TMEM147: variants seen among roughly 807,000 people sequenced by gnomAD.
TMEM147 encodes BOS complex subunit TMEM147.
In TMEM147, 29 loss-of-function variants were observed where a neutral mutation model predicts 29.4. The ratio of observed to expected loss-of-function variants is 0.99; its 90% confidence interval spans 0.73 to 1.34. The LOEUF (loss-of-function observed/expected upper bound fraction) is 1.34, where lower values mean the gene tolerates loss of function less well. Ranked by LOEUF, TMEM147 falls within the 40% of genes most tolerant of loss-of-function variation. The pLI is 0.00. For synonymous variants in TMEM147, 121 were observed against 111.8 expected (o/e 1.08, Z -0.52); for missense variants, 260 against 289.4 (o/e 0.90, Z 0.74).
Position 35,546,817 on chromosome 19 carries a change from A to G in TMEM147, c.344+9A>G, listed in dbSNP as rs186491643. 363 of 1,614,186 alleles carry G rather than the reference A, an allele frequency of 2.2e-4. No individual in the cohort carries two copies. The African/African-American group carries it at 4.3e-3, about 19-fold the overall frequency. ...GAGCTTATTATGTCCCGGTGCGTAC[A>G]GCAGCCTGGAGCCCAGACCCCTGAG... On this transcript the variant is annotated intron_variant, in intron 4 of 6. Transcript: ENST00000222284.
chr19:35,545,724 C>T lies in TMEM147; in HGVS notation c.-16C>T. On this transcript the variant is annotated 5_prime_UTR_variant, in exon 1 of 7. Transcript: ENST00000222284. ...CCTCGCGATCCCCGCGCGGGCGGGA[C>T]CGGGCGGCCGGCATCATGACCCTGT... The T allele has an allele frequency of 6.2e-7, 1 of 1,607,900 alleles. No individual in the cohort carries two copies.
chr19:35,546,093 A>T, intron 2 of TMEM147, 136 bp downstream of exon 2: 1 of 980,214 alleles, frequency 1.0e-6, no homozygotes. Context: ...AGGCGTCAGG[A>T]TACCTAGAGA....
chr19:35,547,350 G>C lies in TMEM147; in HGVS notation c.578G>C (p.Gly193Ala), dbSNP rs1451690108. The change falls in exon 7 of 7, where the codon GGC (glycine) becomes GCC (alanine). Residue 193 changes from glycine to alanine, a missense_variant. Gly to Ala is a moderately conservative substitution (Grantham distance 60, BLOSUM62 0). Coordinates refer to ENST00000222284, the MANE Select transcript of TMEM147 (RefSeq NM_032635.4). ...METFVHLCSLGSWAALLARAV... is the reference protein window; with the variant it reads ...METFVHLCSLASWAALLARAV... ...ACCTTCGTCCACCTCTGCTCGCTGG[G>C]CAGTTGGGCAGCTCTACTGGCCCGA... is the stretch of plus-strand genomic sequence containing the variant. The C allele has an allele frequency of 6.2e-7, 1 of 1,613,996 alleles. No individual in the cohort carries two copies. The highest frequency in any genetic ancestry group is 1.7e-5 in the Admixed American group (1 of 60,010).
Position 35,545,661 on chromosome 19 carries a change from G to A in TMEM147, c.-79G>A. 6.6e-7 allele frequency: 1 copy of A among 1,515,442 alleles called. No homozygotes were observed. 93.9% of individuals were successfully genotyped at this position (1,515,442 alleles called of 1,614,324 possible). On this transcript the variant is annotated 5_prime_UTR_variant, in exon 1 of 7. Coordinates refer to ENST00000222284, the MANE Select transcript of TMEM147 (RefSeq NM_032635.4). ...GTGCCAGGCCCTGGCCGTGGCGAAAGAGCCGGCGGAGCCGGAGACCCGCTC... is the reference window on the plus strand; with the variant it reads ...GTGCCAGGCCCTGGCCGTGGCGAAAAAGCCGGCGGAGCCGGAGACCCGCTC...
In TMEM147 at chr19:35,546,927, A is replaced by G. The variant is rs762207395; in HGVS notation, c.345-18A>G. Reference sequence around the variant, plus strand: ...AGGTGTCTGAGTACTGGAGAATCCCATCCTTTGCCTTCCTCAGCTGCATTC... The same window carrying G: ...AGGTGTCTGAGTACTGGAGAATCCCGTCCTTTGCCTTCCTCAGCTGCATTC... On this transcript the variant is annotated intron_variant, in intron 4 of 6. Transcript: ENST00000222284. 3 of 1,614,014 alleles carry G rather than the reference A, an allele frequency of 1.9e-6. No individual in the cohort carries two copies. Among genetic ancestry groups the G allele is most frequent in the Non-Finnish European group, 2.5e-6 (3 of 1,180,036 alleles).
rs764493753 is a variant in TMEM147, at chr19:35,546,661, C to T, written c.208-11C>T. The T allele has an allele frequency of 2.5e-5, 41 of 1,611,812 alleles. No individual in the cohort carries two copies. Among genetic ancestry groups the T allele is most frequent in the Non-Finnish European group, 3.2e-5 (38 of 1,178,364 alleles). ...CCCCTGTGCTTACTTAAGCCTCAAC[C>T]TGACCCGCAGGAGTTCATGAAGGCC... On this transcript the variant is annotated splice_polypyrimidine_tract_variant and intron_variant, in intron 3 of 6. Transcript: ENST00000222284.
At position 35,547,166 on chromosome 19, in the gene TMEM147, T is replaced by C. The variant is rs2071569812; in HGVS notation, c.477T>C (p.Tyr159=). 6.2e-7 allele frequency: 1 copy of C among 1,614,088 alleles called. No homozygotes were observed. The highest frequency in any genetic ancestry group is 1.7e-5 in the Admixed American group (1 of 60,004). The change falls in exon 6 of 7, where the codon TAT becomes TAC. Residue 159 remains tyrosine (Y), a synonymous_variant. Transcript: ENST00000222284. ...CTCAGGTCTGGATGATAACACGCTA[T>C]GATCTGTACCACACCTTCCGGCCAG... is the stretch of plus-strand genomic sequence containing the variant. ...ASAQVWMITR[Y]DLYHTFRPAV...
rs2071559191 is a variant in TMEM147, at chr19:35,546,555, C to T, written c.177C>T (p.Thr59=). The T allele has an allele frequency of 1.9e-6, 3 of 1,613,478 alleles. No homozygotes were observed. The East Asian group carries it at 6.7e-5, about 36-fold the overall frequency. The change falls in exon 3 of 7, where the codon ACC becomes ACT. Residue 59 remains threonine (T), a synonymous_variant. Coordinates refer to ENST00000222284, the MANE Select transcript of TMEM147 (RefSeq NM_032635.4). The part of the protein sequence containing the change: ...KMLFLATFFP[T]WEGGIYDFIG... ...TGTTCTTGGCCACTTTCTTTCCCAC[C>T]TGGGAAGGCGGCATCTATGACTTCA...
intron 3 of TMEM147, 39 bp downstream of exon 3, chr19:35,546,624 G>C: frequency 6.2e-7 from 1 of 1,609,524 alleles, no homozygotes; most frequent in East Asian, 2.2e-5. Context: ...TTCAGGAATG[G>C]GGCTCCCTGT....
chr19:35,546,722 T>C lies in TMEM147; in HGVS notation c.258T>C (p.Leu86=). ...TGGCAGACCTGATAGGTCTAAACCTTGTCATGTCCCGGAATGCCGGCAAGG... is the reference window on the plus strand; with the variant it reads ...TGGCAGACCTGATAGGTCTAAACCTCGTCATGTCCCGGAATGCCGGCAAGG... ...VDVADLIGLN[L]VMSRNAGKGE... is the part of the protein sequence containing the mutation. Residue 86 remains leucine, a synonymous_variant, in exon 4 of 7, where the codon CTT becomes CTC. Coordinates refer to ENST00000222284, the MANE Select transcript of TMEM147 (RefSeq NM_032635.4). 1 of 1,614,166 alleles carries C rather than the reference T, an allele frequency of 6.2e-7. No individual in the cohort carries two copies. The highest frequency in any genetic ancestry group is 8.5e-7 in the Non-Finnish European group (1 of 1,180,030).
intron 2 of TMEM147, 195 bp from the exon 3 acceptor site, chr19:35,546,331 C>T (rs1025848295): frequency 1.5e-6 from 1 of 653,834 alleles, no homozygotes; most frequent in Non-Finnish European, 2.6e-6. Context: ...AACTTCCAGC[C>T]CCCTCGGGGA....
rs2146300218 is a variant in TMEM147 at position 35,545,824 on chromosome 19, C to A, written c.77+8C>A. On this transcript the variant is annotated splice_region_variant and intron_variant, in intron 1 of 6. Transcript: ENST00000222284. Reference sequence around the variant, plus strand: ...CTACAAGTGCAGCGGCCTGTGAGTGCGGGAAGGGCGCGGGGCGGAGAGGGC... The same window carrying A: ...CTACAAGTGCAGCGGCCTGTGAGTGAGGGAAGGGCGCGGGGCGGAGAGGGC... The A allele has an allele frequency of 2.5e-6, 4 of 1,613,898 alleles. No individual in the cohort carries two copies. In the East Asian group the frequency reaches 8.9e-5, roughly 36 times the overall value.
intron 2 of TMEM147, 158 bp from the exon 3 acceptor site, chr19:35,546,367 CG>C: frequency 1.2e-6 from 1 of 826,912 alleles, no homozygotes; most frequent in Non-Finnish European, 1.9e-6. Flanking sequence ...TCTATCTCCC[CG>C]ATTCCTGTAA....
chr19:35,547,396 G>C lies in TMEM147; in HGVS notation c.624G>C (p.Leu208=). The change falls in exon 7 of 7, where the codon CTG becomes CTC. Residue 208 remains leucine (L), a synonymous_variant. Transcript: ENST00000222284. The stretch of plus-strand genomic sequence containing the variant: ...CCCGAGCAGTGGTAACGGGGCTGCT[G>C]GCCCTCAGCACTTTGGCCCTGTATG... ...LLARAVVTGL[L]ALSTLALYVA... 1 of 1,613,826 alleles carries C rather than the reference G, an allele frequency of 6.2e-7. No homozygotes were observed. Among genetic ancestry groups the C allele is most frequent in the Non-Finnish European group, 8.5e-7 (1 of 1,180,030 alleles).
chr19:35,545,821 G>C lies in TMEM147; in HGVS notation c.77+5G>C, dbSNP rs2071548011. On this transcript the variant is annotated splice_donor_5th_base_variant and intron_variant, in intron 1 of 6. Transcript: ENST00000222284. The stretch of plus-strand genomic sequence containing the variant: ...CACCTACAAGTGCAGCGGCCTGTGA[G>C]TGCGGGAAGGGCGCGGGGCGGAGAG... 3 of 1,613,810 alleles carry C rather than the reference G, an allele frequency of 1.9e-6. No homozygotes were observed. The highest frequency in any genetic ancestry group is 2.5e-6 in the Non-Finnish European group (3 of 1,179,924).
Position 35,546,733 on chromosome 19 carries a change from G to A in TMEM147, c.269G>A (p.Arg90Gln), listed in dbSNP as rs747241488. 8.1e-6 allele frequency: 13 copies of A among 1,614,110 alleles called. No homozygotes were observed. The highest frequency in any genetic ancestry group is 4.5e-5 in the East Asian group (2 of 44,894). ...DLIGLNLVMSRNAGKGEYKIM... is the reference protein window; with the variant it reads ...DLIGLNLVMSQNAGKGEYKIM... ...ATAGGTCTAAACCTTGTCATGTCCC[G>A]GAATGCCGGCAAGGGAGAGTACAAG... Residue 90 changes from arginine (R) to glutamine (Q), a missense_variant, in exon 4 of 7, where the codon CGG (arginine) becomes CAG (glutamine). Physicochemically the swap from Arg to Gln is conservative, Grantham distance 43 (BLOSUM62 1). Coordinates refer to ENST00000222284, the MANE Select transcript of TMEM147 (RefSeq NM_032635.4).
Position 35,546,537 on chromosome 19 carries a change from G to C in TMEM147, c.159G>C (p.Leu53Phe). 1.2e-6 allele frequency: 2 copies of C among 1,613,036 alleles called. No individual in the cohort carries two copies. The highest frequency in any genetic ancestry group is 1.7e-6 in the Non-Finnish European group (2 of 1,179,534). Residue 53 changes from leucine (L) to phenylalanine (F), a missense_variant, in exon 3 of 7, where the codon TTG becomes TTC. Physicochemically the swap from Leu to Phe is conservative, Grantham distance 22. Coordinates refer to ENST00000222284, the MANE Select transcript of TMEM147 (RefSeq NM_032635.4). ...CTTTCTGTTCTCAGATGCTGTTCTT[G>C]GCCACTTTCTTTCCCACCTGGGAAG... Reference protein sequence around the residue: ...LFVQLCKMLFLATFFPTWEGG... With the variant: ...LFVQLCKMLFFATFFPTWEGG...
At chr19:35,546,410 A>T (rs2071557548) in intron 2 of TMEM147, 116 bp from the exon 3 acceptor site, 2 of 1,223,306 alleles carry the variant, frequency 1.6e-6, no homozygotes. Context: ...CCTCTTCCAG[A>T]TGGGCCCCCA....
At position 35,545,810 on chromosome 19, in the gene TMEM147, G is replaced by A. The variant is rs1127675; in HGVS notation, c.71G>A (p.Ser24Asn). 6.2e-7 allele frequency: 1 copy of A among 1,613,922 alleles called. No individual in the cohort carries two copies. The highest frequency in any genetic ancestry group is 1.7e-4 in the Middle Eastern group (1 of 6,060). Residue 24 changes from serine to asparagine, a missense_variant, in exon 1 of 7, where the codon AGC becomes AAC. By Grantham distance (46) the Ser-to-Asn change is conservative. Transcript: ENST00000222284. ...CCCTACTTCATCACCTACAAGTGCA[G>A]CGGCCTGTGAGTGCGGGAAGGGCGC... Reference protein sequence around the residue: ...YFPYFITYKCSGLSEYNAFWK... With the variant: ...YFPYFITYKCNGLSEYNAFWK...
Sources: gnomAD v4.1 joint callset for allele counts on GRCh38, gnomAD v4.1.1 for gene constraint, MANE v1.5 for transcripts, NCBI Gene and HGNC (gene_info 2026-07-23, HGNC 2026-07-21) for gene names.